EFCAB6: variants seen among roughly 807,000 people sequenced by gnomAD.
EFCAB6 encodes EF-hand calcium-binding domain-containing protein 6.
Under a neutral mutation model 169.8 loss-of-function variants are expected in EFCAB6, and 156 were observed. That is an observed-to-expected ratio of 0.92 (90% CI 0.81 to 1.05). The LOEUF (loss-of-function observed/expected upper bound fraction) is 1.05, where lower values mean the gene tolerates loss of function less well. EFCAB6 is among the 50% of genes least tolerant of loss of function. The pLI is 0.00. For synonymous variants in EFCAB6, 698 were observed against 676.4 expected (o/e 1.03, Z -0.50); for missense variants, 1,800 against 1,829.1 (o/e 0.98, Z 0.29).
chr22:43,772,778 T>G, intron 4 of EFCAB6, 114 bp downstream of exon 4: 1 of 1,139,984 alleles, frequency 8.8e-7, no homozygotes, highest in South Asian at 1.6e-5. Context: ...AAAACAAAAC[T>G]TCAACTGCTC....
chr22:43,737,411 G>A (rs1304702524), intron 6 of EFCAB6, among the ~76,000 whole-genome samples: 2 of 143,232 alleles, frequency 1.4e-5, no homozygotes, highest in Non-Finnish European at 3.0e-5. Context: ...CACATGCACA[G>A]ATACAGGCAT....
At chr22:43,770,780 G>GA (rs951434497) in intron 4 of EFCAB6, among the ~76,000 whole-genome samples, 4 of 150,074 alleles carry the variant, frequency 2.7e-5, no homozygotes, top group Non-Finnish European at 5.9e-5. Context: ...GAATGGGACA[G>GA]AAAAAAATTT....
In EFCAB6 at chr22:43,678,040, C is replaced by A. The variant is rs762809283; in HGVS notation, c.1375G>T (p.Val459Phe). 2.2e-5 allele frequency: 35 copies of A among 1,613,934 alleles called. No homozygotes were observed. The highest frequency in any genetic ancestry group is 2.8e-5 in the Non-Finnish European group (33 of 1,179,998). Reference protein sequence around the residue: ...QMLDPGDTGVVNTSMFIDLIE... With the variant: ...QMLDPGDTGVFNTSMFIDLIE... Reference sequence around the variant, plus strand: ...AGATCAATAAACATGCTGGTGTTGACCACTCCAGTGTCCCCAGGGTCAAGC... The same window carrying A: ...AGATCAATAAACATGCTGGTGTTGAACACTCCAGTGTCCCCAGGGTCAAGC... The change falls in exon 13 of 32, where the codon GTC becomes TTC. Residue 459 changes from valine (V) to phenylalanine (F), a missense_variant. Val to Phe is a conservative substitution (Grantham distance 50). Transcript: ENST00000262726.
Position 43,529,338 on chromosome 22 carries a change from G to A in EFCAB6, c.4384-363C>T, listed in dbSNP as rs1424348810. On this transcript the variant is annotated intron_variant, in intron 31 of 31. Transcript: ENST00000262726. ...CTAACTTGGGGCAGAGCCTCAGGGT[G>A]CGCCCAGGCAGGGGAGGGCAGGGCC... 2.0e-5 allele frequency among the ~76,000 whole-genome samples: 3 copies of A among 152,226 alleles called. No individual in the cohort carries two copies. The East Asian group carries it at 5.8e-4, about 29-fold the overall frequency.
At chr22:43,598,244 C>T (rs1373427856) in intron 23 of EFCAB6, among the ~76,000 whole-genome samples, 1 of 130,690 alleles carries the variant, frequency 7.7e-6, no homozygotes, top group Non-Finnish European at 1.5e-5. Context: ...AAAGTTGAGG[C>T]TGCAGTGAGC....
intron 27 of EFCAB6, among the ~76,000 whole-genome samples, chr22:43,549,988 A>G (rs1259325740): frequency 6.6e-6 from 1 of 152,254 alleles, no homozygotes; most frequent in African/African-American, 2.4e-5. Context: ...CTCTTAGCCA[A>G]ATAGGAATAA....
At position 43,580,612 on chromosome 22, in the gene EFCAB6, A is replaced by C; in HGVS notation, c.3080T>G (p.Leu1027Arg). The change falls in exon 25 of 32, where the codon CTG (leucine) becomes CGG (arginine). Residue 1027 changes from leucine (L) to arginine (R), a missense_variant. Coordinates refer to ENST00000262726, the MANE Select transcript of EFCAB6 (RefSeq NM_022785.4). ...HDNAINYLDF[L>R]RAVENSKSTG... is the part of the protein sequence containing the mutation. ...TGACTTGCTGTTCTCCACTGCTCTC[A>C]GGAAGTCGAGGTAATTGATAGCATT... 1 of 1,614,126 alleles carries C rather than the reference A, an allele frequency of 6.2e-7. No homozygotes were observed. Among genetic ancestry groups the C allele is most frequent in the South Asian group, 1.1e-5 (1 of 91,076 alleles).
chr22:43,640,538 T>C (rs2055729381), intron 17 of EFCAB6, among the ~76,000 whole-genome samples: 1 of 152,188 alleles, frequency 6.6e-6, no homozygotes, highest in East Asian at 1.9e-4. Flanking sequence ...ATCTCTCCTT[T>C]TCAAAATGCC....
In EFCAB6 at chr22:43,783,205, T is replaced by C. The variant is rs559779464; in HGVS notation, c.-7-880A>G. 4.6e-5 allele frequency among the ~76,000 whole-genome samples: 7 copies of C among 152,302 alleles called. No homozygotes were observed. In the East Asian group the frequency reaches 5.8e-4, roughly 13 times the overall value. ...ATTTGTTAGAAGAAATCAGAGGCAA[T>C]TGTTGTTTAAAATCATGGCTACCTG... On this transcript the variant is annotated intron_variant, in intron 2 of 31. Transcript: ENST00000262726.
intron 21 of EFCAB6, among the ~76,000 whole-genome samples, chr22:43,612,764 T>C (rs1049912769): frequency 2.0e-5 from 3 of 151,978 alleles, no homozygotes; most frequent in Non-Finnish European, 4.4e-5. Flanking sequence ...CATGGTGGCA[T>C]GCACCTGTAG....
intron 16 of EFCAB6, 116 bp downstream of exon 16, chr22:43,668,756 C>A (rs768078650): frequency 9.9e-7 from 1 of 1,008,628 alleles, no homozygotes; most frequent in East Asian, 3.1e-5. Flanking sequence ...AGTGTGCCAT[C>A]TTTCTTATTT....
Position 43,537,860 on chromosome 22 carries a change from G to A in EFCAB6, c.3880-315C>T, listed in dbSNP as rs2047472584. ...GTGTGTGTGTGTGAGAAGTGACAACGACAAATTTTTTCACTAGCGGAAGAG... is the reference window on the plus strand; with the variant it reads ...GTGTGTGTGTGTGAGAAGTGACAACAACAAATTTTTTCACTAGCGGAAGAG... On this transcript the variant is annotated intron_variant, in intron 28 of 31. Coordinates refer to ENST00000262726, the MANE Select transcript of EFCAB6 (RefSeq NM_022785.4). The surrounding 1 kb of genome is among the most constrained non-coding windows in gnomAD (Gnocchi z 4.3). Among the ~76,000 whole-genome samples the A allele has an allele frequency of 6.6e-6, 1 of 152,124 alleles. No individual in the cohort carries two copies. Among genetic ancestry groups the A allele is most frequent in the South Asian group, 2.1e-4 (1 of 4,832 alleles).
chr22:43,617,549 A>C (rs2053778536), intron 20 of EFCAB6, among the ~76,000 whole-genome samples: 1 of 152,180 alleles, frequency 6.6e-6, no homozygotes, highest in African/African-American at 2.4e-5. Flanking sequence ...CTCATTTTAC[A>C]TACTTGGCCC....
intron 2 of EFCAB6, among the ~76,000 whole-genome samples, chr22:43,784,674 T>TACACAC (rs1468073918): frequency 4.0e-5 from 2 of 49,636 alleles, no homozygotes; most frequent in African/African-American, 1.6e-4. Context: ...CATATACATA[T>TACACAC]ATACACACAC....
At position 43,784,615 on chromosome 22, in the gene EFCAB6, A is replaced by ATATACACATATATATGTG. The variant is rs1569487759; in HGVS notation, c.-7-2291_-7-2290insCACATATATATGTGTATA. Reference sequence around the variant, plus strand: ...TGTATATATACACATATATATGTGTATATATACACATATATATGTATATGT... The same window carrying ATATACACATATATATGTG: ...TGTATATATACACATATATATGTGTATATACACATATATATGTGTATATACACATATATATGTATATGT... On this transcript the variant is annotated intron_variant, in intron 2 of 31. Transcript: ENST00000262726. 5.3e-5 allele frequency among the ~76,000 whole-genome samples: 5 copies of ATATACACATATATATGTG among 95,184 alleles called. 1 individual carries two copies. The highest frequency in any genetic ancestry group is 2.3e-4 in the African/African-American group (5 of 21,520). 62.4% of individuals were successfully genotyped at this position (95,184 alleles called of 152,430 possible). A position where few individuals can be genotyped will look rare whatever the true frequency, so the allele number is the denominator to read the frequency against.
At chr22:43,793,448 C>T (rs942555351) in intron 2 of EFCAB6, among the ~76,000 whole-genome samples, 2 of 152,160 alleles carry the variant, frequency 1.3e-5, no homozygotes, top group African/African-American at 4.8e-5. Flanking sequence ...TCTAAGCAAC[C>T]ATTCTCTCAA....
intron 2 of EFCAB6, among the ~76,000 whole-genome samples, chr22:43,789,118 A>G (rs1375895293): frequency 6.6e-6 from 1 of 152,194 alleles, no homozygotes; most frequent in Non-Finnish European, 1.5e-5. Context: ...AGGAACTGGA[A>G]GAAGGGAGGA....
In EFCAB6 at chr22:43,753,505, C is replaced by T. The variant is rs1283426272; in HGVS notation, c.507+2261G>A. The stretch of plus-strand genomic sequence containing the variant: ...CGCCTCTTCCCATGAAGCCATGGGA[C>T]ACAGTCACCAAGGATGGAGAGATGA... On this transcript the variant is annotated intron_variant, in intron 6 of 31. Transcript: ENST00000262726. Among the ~76,000 whole-genome samples, 3 of 152,160 alleles carry T rather than the reference C, an allele frequency of 2.0e-5. No homozygotes were observed. In the East Asian group the frequency reaches 5.8e-4, roughly 29 times the overall value.
At chr22:43,787,379 CA>C (rs1306591071) in intron 2 of EFCAB6, among the ~76,000 whole-genome samples, 3 of 145,912 alleles carry the variant, frequency 2.1e-5, no homozygotes, top group African/African-American at 7.4e-5. Flanking sequence ...CACACACACA[CA>C]CACAATTAGA....
Sources: allele counts gnomAD v4.1 joint callset (sites outside exome capture counted in the v4.1 genomes callset), GRCh38; gene constraint gnomAD v4.1.1; non-coding constraint Gnocchi (gnomAD v3.1); transcripts MANE v1.5; gene names NCBI Gene and HGNC (gene_info 2026-07-23, HGNC 2026-07-21).